The following STAG1 variants were observed in gnomAD, a reference collection of about 807,000 sequenced individuals.
STAG1 encodes cohesin subunit SA-1.
A neutral mutation model predicts 170.9 loss-of-function variants in STAG1; 26 were observed. The ratio of observed to expected loss-of-function variants is 0.15; its 90% CI spans 0.11 to 0.21. The LOEUF (loss-of-function observed/expected upper bound fraction) is 0.21, where lower values mean the gene tolerates loss of function less well. Ranked by LOEUF, STAG1 falls within the 10% of genes least tolerant of loss-of-function variation. STAG1 has a pLI of 1.00. For synonymous variants in STAG1, 514 were observed against 497.7 expected (o/e 1.03, Z -0.44); for missense variants, 964 against 1,509.5 (o/e 0.64, Z 5.99).
rs1316654243 is a variant in STAG1 at position 136,604,403 on chromosome 3, C to T, written c.203G>A (p.Gly68Asp). The change falls in exon 4 of 34, where the codon GGC (glycine) becomes GAC (aspartate). Residue 68 changes from glycine (G) to aspartate (D), a missense_variant. Gly to Asp is a moderately conservative substitution (Grantham distance 94, BLOSUM62 -1). Coordinates refer to ENST00000383202, the MANE Select transcript of STAG1 (RefSeq NM_005862.3). ...AGGGTGTCCATTAGCTCTTCCACGG[C>T]CTGCTCCTCTAATTCCAGCTTCAAT... ...SRIEAGIRGA[G>D]RGRANGHPQQ... 1 of 1,613,934 alleles carries T rather than the reference C, an allele frequency of 6.2e-7. No individual in the cohort carries two copies. Among genetic ancestry groups the T allele is most frequent in the Admixed American group, 1.7e-5 (1 of 60,000 alleles).
intron 5 of STAG1, among the ~76,000 whole-genome samples, chr3:136,565,011 A>AAGGAAGGAAGGAAGGAAGGAAGGCAGGC (rs1207671431): frequency 6.6e-5 from 3 of 45,438 alleles, no homozygotes; most frequent in Non-Finnish European, 1.3e-4. Context: ...GGAAGGAAGG[A>AAGGAAGGAAGGAAGGAAGGAAGGCAGGC]AGGCAGGCAG....
At chr3:136,438,021 A>C (rs1310093524) in intron 15 of STAG1, among the ~76,000 whole-genome samples, 1 of 152,210 alleles carries the variant, frequency 6.6e-6, no homozygotes, top group South Asian at 2.1e-4. Flanking sequence ...TATTACATTT[A>C]GGATGAGATA....
intron 1 of STAG1, among the ~76,000 whole-genome samples, chr3:136,751,309 A>G (rs1480992075): frequency 6.6e-6 from 1 of 152,070 alleles, no homozygotes; most frequent in African/African-American, 2.4e-5. Flanking sequence ...GGGTGACGTG[A>G]CAATCCTAAA....
At chr3:136,504,623 A>G (rs901065769) in intron 7 of STAG1, among the ~76,000 whole-genome samples, 1 of 152,220 alleles carries the variant, frequency 6.6e-6, no homozygotes, top group Non-Finnish European at 1.5e-5. Context: ...CTAGTTTATC[A>G]GTGTTTGTTA....
intron 7 of STAG1, among the ~76,000 whole-genome samples, chr3:136,504,762 CA>C (rs1259469172): frequency 4.9e-4 from 75 of 152,272 alleles, no homozygotes; most frequent in Non-Finnish European, 3.2e-4. Context: ...TGCAATTCAC[CA>C]GTGGAAACTG....
rs1347471317 is a variant in STAG1 at position 136,602,713 on chromosome 3, T to C, written c.297+1596A>G. On this transcript the variant is annotated intron_variant, in intron 4 of 33. Coordinates refer to ENST00000383202, the MANE Select transcript of STAG1 (RefSeq NM_005862.3). The stretch of plus-strand genomic sequence containing the variant: ...TAAAAATACAAAAATTAGCTGGGCG[T>C]GCTGGCACACACCTGTAATCCCAGC... Among the ~76,000 whole-genome samples, 4 of 152,084 alleles carry C rather than the reference T, an allele frequency of 2.6e-5. No homozygotes were observed. The South Asian group carries it at 8.3e-4, about 32-fold the overall frequency.
In STAG1 at chr3:136,736,630, G is replaced by C; in HGVS notation, c.-84+15565C>G. The C allele has an allele frequency of 2.5e-6, 4 of 1,602,348 alleles. No individual in the cohort carries two copies. The South Asian group carries it at 4.4e-5, about 18-fold the overall frequency. On this transcript the variant is annotated intron_variant, in intron 1 of 33. Transcript: ENST00000383202. The stretch of plus-strand genomic sequence containing the variant: ...TCTCGACTTTCCTCAAAGTTTTTCT[G>C]CCACTCTCTTTCCCGTTTGGCTTTT...
chr3:136,366,882 T>C, intron 25 of STAG1, 61 bp downstream of exon 25: 1 of 1,411,892 alleles, frequency 7.1e-7, no homozygotes, highest in Non-Finnish European at 9.7e-7. Flanking sequence ...TCATCATCCT[T>C]TCAATTGCTA....
intron 7 of STAG1, among the ~76,000 whole-genome samples, chr3:136,511,988 G>C (rs540575245): frequency 6.6e-6 from 1 of 151,262 alleles, no homozygotes; most frequent in Non-Finnish European, 1.5e-5. Context: ...TGTGGTGGTG[G>C]GCACACCTAT....
At chr3:136,465,045 C>G in intron 12 of STAG1, 57 bp from the exon 13 acceptor site, 1 of 1,336,108 alleles carries the variant, frequency 7.5e-7, no homozygotes, top group Non-Finnish European at 1.0e-6. Flanking sequence ...TTCCTTTCTA[C>G]TTTTATTTAA....
intron 31 of STAG1, 135 bp downstream of exon 31, chr3:136,341,306 T>C: frequency 1.6e-6 from 1 of 610,444 alleles, no homozygotes; most frequent in Non-Finnish European, 2.9e-6. Flanking sequence ...CACCCTCCTT[T>C]CCTATGCTGC....
At chr3:136,524,228 C>G (rs1934866757) in intron 6 of STAG1, among the ~76,000 whole-genome samples, 1 of 152,120 alleles carries the variant, frequency 6.6e-6, no homozygotes, top group Admixed American at 6.5e-5. Flanking sequence ...TATCCATGAG[C>G]ATGGAATGTT....
At chr3:136,512,973 T>A (rs144930252) in intron 7 of STAG1, among the ~76,000 whole-genome samples, 2 of 152,262 alleles carry the variant, frequency 1.3e-5, no homozygotes, top group East Asian at 3.9e-4. Flanking sequence ...AGGTTAGGAC[T>A]GACAGCAGAA....
At chr3:136,359,686 T>C (rs1936785990) in intron 26 of STAG1, among the ~76,000 whole-genome samples, 1 of 152,306 alleles carries the variant, frequency 6.6e-6, no homozygotes, top group African/African-American at 2.4e-5. Flanking sequence ...TGTACCACCA[T>C]GCCCATCTAA....
Position 136,744,500 on chromosome 3 carries a change from C to G in STAG1, c.-84+7695G>C, listed in dbSNP as rs1160119281. Among the ~76,000 whole-genome samples the G allele has an allele frequency of 6.6e-5, 10 of 152,054 alleles. No individual in the cohort carries two copies. In the East Asian group the frequency reaches 1.9e-3, roughly 29 times the overall value. ...AGAATGTAATTTCTCTACATTCTCACCAATACTTGACATTATCAGACTTTT... is the reference window on the plus strand; with the variant it reads ...AGAATGTAATTTCTCTACATTCTCAGCAATACTTGACATTATCAGACTTTT... On this transcript the variant is annotated intron_variant, in intron 1 of 33. Coordinates refer to ENST00000383202, the MANE Select transcript of STAG1 (RefSeq NM_005862.3).
chr3:136,487,426 CAT>C lies in STAG1; in HGVS notation c.903-10016_903-10015del, dbSNP rs375724124. ...TCACATTGCCAGTATTTTCATACCA[CAT>C]GTTTTCTAGGAATCCCAGTCCTTGT... On this transcript the variant is annotated intron_variant, in intron 9 of 33. Transcript: ENST00000383202. Among the ~76,000 whole-genome samples the C allele has an allele frequency of 4.9e-4, 74 of 152,298 alleles. 1 individual carries two copies. In the East Asian group the frequency reaches 0.013, roughly 26 times the overall value.
intron 4 of STAG1, among the ~76,000 whole-genome samples, chr3:136,585,532 G>C (rs1418625491): frequency 6.6e-6 from 1 of 151,984 alleles, no homozygotes; most frequent in Non-Finnish European, 1.5e-5. Flanking sequence ...AGAATTACTT[G>C]AATGCAGTGA....
chr3:136,498,693 G>GT (rs1208932958), intron 9 of STAG1, among the ~76,000 whole-genome samples: 5 of 147,422 alleles, frequency 3.4e-5, no homozygotes, highest in Non-Finnish European at 6.0e-5. Context: ...TAAAGTTGCA[G>GT]TAAAAAAAAA....
intron 9 of STAG1, among the ~76,000 whole-genome samples, chr3:136,487,493 TA>T (rs1461026951): frequency 6.6e-6 from 1 of 152,154 alleles, no homozygotes; most frequent in African/African-American, 2.4e-5. Flanking sequence ...ATCTTAACTT[TA>T]AAAATGTAAA....
Sources: allele counts gnomAD v4.1 joint callset (sites outside exome capture counted in the v4.1 genomes callset), GRCh38; gene constraint gnomAD v4.1.1; transcripts MANE v1.5; gene names NCBI Gene and HGNC (gene_info 2026-07-23, HGNC 2026-07-21).